The following MDN1 variants were observed in gnomAD, a reference collection of about 807,000 sequenced individuals.
The protein encoded by MDN1 is midasin.
MDN1 carries 266 observed loss-of-function variants against 669.2 expected under a neutral mutation model. That is an observed-to-expected ratio of 0.40 (90% confidence interval 0.36 to 0.44). MDN1 has a LOEUF of 0.44. MDN1 is among the 20% of genes least tolerant of loss of function. The probability of loss-of-function intolerance (pLI) is 1.00; values close to 1 mark genes in which losing one functional copy is unlikely to be tolerated. For missense variants in MDN1, 5,940 were observed against 6,754.0 expected (o/e 0.88, Z 4.22); for synonymous variants, 2,385 against 2,457.1 (o/e 0.97, Z 0.87).
At chr6:89,779,451 T>G (rs1818533580) in intron 11 of MDN1, among the ~76,000 whole-genome samples, 1 of 152,140 alleles carries the variant, frequency 6.6e-6, no homozygotes, top group Non-Finnish European at 1.5e-5. Context: ...TCCACCACCC[T>G]CATCAGAAAC....
chr6:89,776,491 G>C (rs1353617178), intron 12 of MDN1, 109 bp downstream of exon 12: 2 of 734,032 alleles, frequency 2.7e-6, no homozygotes, highest in Non-Finnish European at 2.2e-6. Flanking sequence ...TTTTACAAAA[G>C]AGGTACCACT....
At chr6:89,710,475 C>T (rs1181007425) in intron 50 of MDN1, among the ~76,000 whole-genome samples, 1 of 151,250 alleles carries the variant, frequency 6.6e-6, no homozygotes, top group Non-Finnish European at 1.5e-5. Flanking sequence ...TCAAGAAGAC[C>T]CTGGGCAACT....
intron 15 of MDN1, among the ~76,000 whole-genome samples, chr6:89,768,230 G>A (rs934574623): frequency 6.6e-6 from 1 of 152,050 alleles, no homozygotes; most frequent in Non-Finnish European, 1.5e-5. Flanking sequence ...TTGAATTGTA[G>A]CTCCAATTCC....
Position 89,715,675 on chromosome 6 carries a change from T to C in MDN1, c.6838A>G (p.Ile2280Val), listed in dbSNP as rs761651121. ...RGMIDGSTPT[I>V]TPNPNFRLFL... is the part of the protein sequence containing the mutation. ...TACCTGAAATTGGGATTTGGTGTTATCGTGGGAGTGGATCCATCTATCATT... is the reference window on the plus strand; with the variant it reads ...TACCTGAAATTGGGATTTGGTGTTACCGTGGGAGTGGATCCATCTATCATT... The change falls in exon 45 of 102, where the codon ATA (isoleucine) becomes GTA (valine). Residue 2280 changes from isoleucine (I) to valine (V), a missense_variant. Physicochemically the swap from Ile to Val is conservative, Grantham distance 29 (BLOSUM62 3). Transcript: ENST00000369393. 10 of 1,609,652 alleles carry C rather than the reference T, an allele frequency of 6.2e-6. No homozygotes were observed. Among genetic ancestry groups the C allele is most frequent in the East Asian group, 4.5e-5 (2 of 44,852 alleles).
Position 89,688,791 on chromosome 6 carries a change from G to A in MDN1, c.11041C>T (p.Arg3681Ter). 1 of 1,614,024 alleles carries A rather than the reference G, an allele frequency of 6.2e-7. No individual in the cohort carries two copies. The highest frequency in any genetic ancestry group is 8.5e-7 in the Non-Finnish European group (1 of 1,179,974). Residue 3681 changes from arginine to a stop codon, truncating the protein, a stop_gained, in exon 66 of 102, where the codon CGA becomes TGA. Transcript: ENST00000369393. LOFTEE classifies it high-confidence loss of function. The part of the protein sequence containing the change: ...YPLMGVELND[R>*]LLGSQLLACT... ...GCCAAAAGTTGGCTGCCCAAGAGTC[G>A]GTCATTCAGTTCAACTCCTGTGAAG...
intron 11 of MDN1, among the ~76,000 whole-genome samples, chr6:89,777,551 G>A (rs1034698360): frequency 6.6e-6 from 1 of 152,284 alleles, no homozygotes; most frequent in African/African-American, 2.4e-5. Flanking sequence ...TAGGATTATG[G>A]GAGGGGCCTG....
chr6:89,737,154 C>G (rs1412884811), intron 33 of MDN1, among the ~76,000 whole-genome samples: 2 of 152,096 alleles, frequency 1.3e-5, no homozygotes, highest in African/African-American at 2.4e-5. Flanking sequence ...TCTGGCCATT[C>G]AAGCAGCAGT....
intron 40 of MDN1, among the ~76,000 whole-genome samples, chr6:89,722,535 T>A (rs1463604046): frequency 6.6e-6 from 1 of 152,208 alleles, no homozygotes; most frequent in East Asian, 1.9e-4. Context: ...CTTTTAACTT[T>A]TAAATTTTGA....
chr6:89,674,398 G>A lies in MDN1; in HGVS notation c.12953C>T (p.Pro4318Leu). 1.2e-6 allele frequency: 2 copies of A among 1,614,220 alleles called. No homozygotes were observed. Among genetic ancestry groups the A allele is most frequent in the Non-Finnish European group, 1.7e-6 (2 of 1,180,034 alleles). Residue 4318 changes from proline (P) to leucine (L), a missense_variant, in exon 79 of 102, where the codon CCA becomes CTA. By Grantham distance (98) the Pro-to-Leu change is moderately conservative (BLOSUM62 -3). Transcript: ENST00000369393. The part of the protein sequence containing the change: ...LQCCPSVGPA[P>L]GHGNVQVLGQ... ...CAGTACCTGGACATTGCCATGGCCT[G>A]GAGCTGGCCCTACACTGGGGCAGCA... is the stretch of plus-strand genomic sequence containing the variant.
At chr6:89,725,483 GCTAGAGTTAT>G in intron 37 of MDN1, 87 bp from the exon 38 acceptor site, 1 of 1,116,780 alleles carries the variant, frequency 9.0e-7, no homozygotes, top group Non-Finnish European at 1.3e-6. Context: ...AGCAAATAAA[GCTAGAGTTAT>G]CTTCAGAAAG....
At chr6:89,771,430 T>C (rs1438425378) in intron 15 of MDN1, 131 bp downstream of exon 15, 3 of 754,900 alleles carry the variant, frequency 4.0e-6, no homozygotes, top group Non-Finnish European at 6.4e-6. Flanking sequence ...CAATAAAGCC[T>C]TATCTGAGAA....
chr6:89,656,507 A>G (rs1051963711), intron 91 of MDN1, among the ~76,000 whole-genome samples, 193 bp downstream of exon 91: 5 of 152,178 alleles, frequency 3.3e-5, no homozygotes, highest in Non-Finnish European at 5.9e-5. Context: ...GGCAGGGAAG[A>G]AGCCGTGACG....
chr6:89,800,136 A>G (rs1011822836), intron 2 of MDN1, among the ~76,000 whole-genome samples: 5 of 152,168 alleles, frequency 3.3e-5, no homozygotes, highest in Non-Finnish European at 7.3e-5. Context: ...AGAAAAAAAA[A>G]GGAAAAACAG....
intron 60 of MDN1, among the ~76,000 whole-genome samples, 172 bp downstream of exon 60, chr6:89,696,188 T>C (rs111714732): frequency 1.2e-4 from 18 of 152,258 alleles, no homozygotes; most frequent in African/African-American, 3.9e-4. Context: ...AAAACTGACA[T>C]GGGAACCAGC....
Position 89,708,480 on chromosome 6 carries a change from A to G in MDN1, c.7898+16T>C, listed in dbSNP as rs781153742. 3.1e-6 allele frequency: 5 copies of G among 1,613,602 alleles called. No individual in the cohort carries two copies. The highest frequency in any genetic ancestry group is 4.2e-6 in the Non-Finnish European group (5 of 1,179,784). ...CAGTGAGGCAAACAGTGCCCAGAGC[A>G]GCAGGTTTCACTTACTTGTTTGCAG... On this transcript the variant is annotated intron_variant, in intron 51 of 101. Coordinates refer to ENST00000369393, the MANE Select transcript of MDN1 (RefSeq NM_014611.3).
chr6:89,786,499 C>T (rs1818966020), intron 8 of MDN1, among the ~76,000 whole-genome samples: 2 of 151,614 alleles, frequency 1.3e-5, no homozygotes, highest in Non-Finnish European at 2.9e-5. Flanking sequence ...CCTAGCTACT[C>T]AAGAGGCTGA....
Position 89,686,960 on chromosome 6 carries a change from C to A in MDN1, c.11514G>T (p.Trp3838Cys). The change falls in exon 69 of 102, where the codon TGG (tryptophan) becomes TGT (cysteine). Residue 3838 changes from tryptophan (W) to cysteine (C), a missense_variant. Transcript: ENST00000369393. ...TCTCAAGCATCTGATAGATGGAGAA[C>A]CAGTGCTTGGTGGATTTCTCGGTGT... ...KRHTEKSTKH[W>C]FSIYQMLEKH... 1 of 1,613,800 alleles carries A rather than the reference C, an allele frequency of 6.2e-7. No individual in the cohort carries two copies.
chr6:89,739,249 TAA>T (rs1816162078), intron 32 of MDN1, among the ~76,000 whole-genome samples: 1 of 152,112 alleles, frequency 6.6e-6, no homozygotes, highest in Admixed American at 6.5e-5. Context: ...TTCCCTTGGG[TAA>T]AAGTCAGCAA....
At chr6:89,779,813 C>T (rs951920060) in intron 11 of MDN1, among the ~76,000 whole-genome samples, 2 of 152,130 alleles carry the variant, frequency 1.3e-5, no homozygotes, top group African/African-American at 4.8e-5. Context: ...CGCCTGTAAT[C>T]CCAGCACTCT....
Sources: allele counts gnomAD v4.1 joint callset (sites outside exome capture counted in the v4.1 genomes callset), GRCh38; gene constraint gnomAD v4.1.1; transcripts MANE v1.5; gene names NCBI Gene and HGNC (gene_info 2026-07-23, HGNC 2026-07-21).